Variants in NEK5 observed in about 807,000 individuals in gnomAD.
NEK5 encodes the protein serine/threonine-protein kinase Nek5.
In NEK5, 88 loss-of-function variants were observed where a neutral mutation model predicts 109.2. The ratio of observed to expected loss-of-function variants is 0.81; its 90% CI spans 0.68 to 0.96. The LOEUF (loss-of-function observed/expected upper bound fraction) is 0.96, where lower values mean the gene tolerates loss of function less well. NEK5 is among the 40% of genes least tolerant of loss of function. The probability of loss-of-function intolerance (pLI) is 0.00; values close to 1 mark genes in which losing one functional copy is unlikely to be tolerated. For missense variants in NEK5, 834 were observed against 920.7 expected, an observed-to-expected ratio of 0.91 and a Z score of 1.22; for synonymous variants, 283 against 299.9, an observed-to-expected ratio of 0.94 and a Z score of 0.58.
At chr13:52,072,954 G>T (rs1393398560) in intron 19 of NEK5, among the ~76,000 whole-genome samples, 1 of 152,160 alleles carries the variant, frequency 6.6e-6, no homozygotes, top group Admixed American at 6.5e-5. Context: ...CTAATAAAAT[G>T]AAATTTGGAT....
chr13:52,065,161 GC>G (rs111702532), intron 21 of NEK5: 17 of 393,724 alleles, frequency 4.3e-5, no homozygotes, highest in Admixed American at 1.6e-4. Flanking sequence ...CTATGAAATC[GC>G]AAAAAAAGTT....
At position 52,051,458 on chromosome 13, in the gene NEK5, T is replaced by C. The variant is rs560178605; in HGVS notation, c.2111-1237A>G. Reference sequence around the variant, plus strand: ...TCCTTAGGTTGGTCTGTTTTCCTAGTGGAGTACAAAGAGTCATGGGCAGGT... The same window carrying C: ...TCCTTAGGTTGGTCTGTTTTCCTAGCGGAGTACAAAGAGTCATGGGCAGGT... On this transcript the variant is annotated intron_variant, in intron 22 of 23. Transcript: ENST00000684899. 3.7e-4 allele frequency among the ~76,000 whole-genome samples: 56 copies of C among 152,282 alleles called. 1 individual carries two copies. The South Asian group carries it at 0.011, about 31-fold the overall frequency.
At chr13:52,037,535 C>G (rs1384111575) in intron 23 of NEK5, among the ~76,000 whole-genome samples, 4 of 151,980 alleles carry the variant, frequency 2.6e-5, no homozygotes, top group African/African-American at 9.7e-5. Flanking sequence ...CATCAATATC[C>G]TAGGGTACTT....
In NEK5 at chr13:52,099,798, G is replaced by A. The variant is rs1224420110; in HGVS notation, c.971C>T (p.Ala324Val). 7 of 1,613,506 alleles carry A rather than the reference G, an allele frequency of 4.3e-6. No individual in the cohort carries two copies. Among genetic ancestry groups the A allele is most frequent in the Non-Finnish European group, 5.9e-6 (7 of 1,179,546 alleles). Residue 324 changes from alanine to valine, a missense_variant, in exon 12 of 24, where the codon GCT becomes GTT. Ala to Val is a moderately conservative substitution (Grantham distance 64). Coordinates refer to ENST00000684899, the MANE Select transcript of NEK5 (RefSeq NM_001365552.1). ...SRISVPIKRNAILHRNEWRPP... is the reference protein window; with the variant it reads ...SRISVPIKRNVILHRNEWRPP... The stretch of plus-strand genomic sequence containing the variant: ...TCTCCATTCATTTCTATGCAATATA[G>A]CATTCCTTTTAATTGGCACAGATAT...
chr13:52,040,419 C>G lies in NEK5; in HGVS notation c.2229-3201G>C, dbSNP rs1278748454. 2.0e-5 allele frequency among the ~76,000 whole-genome samples: 3 copies of G among 151,980 alleles called. No homozygotes were observed. In the East Asian group the frequency reaches 5.8e-4, roughly 29 times the overall value. On this transcript the variant is annotated intron_variant, in intron 23 of 23. Transcript: ENST00000684899. ...ACCTTGATCTTGGACTTCCTAGCCT[C>G]TAGAACTAGAAGAAGTATATTTCTG...
chr13:52,055,983 A>G lies in NEK5; in HGVS notation c.2111-5762T>C, dbSNP rs1954551127. 3.9e-5 allele frequency among the ~76,000 whole-genome samples: 6 copies of G among 152,078 alleles called. No homozygotes were observed. In the South Asian group the frequency reaches 1.2e-3, roughly 32 times the overall value. ...AAATGTAAATGGACTAAATGCTCCAATTAAAAGACACAGACTGGCAAATTG... is the reference window on the plus strand; with the variant it reads ...AAATGTAAATGGACTAAATGCTCCAGTTAAAAGACACAGACTGGCAAATTG... On this transcript the variant is annotated intron_variant, in intron 22 of 23. Coordinates refer to ENST00000684899, the MANE Select transcript of NEK5 (RefSeq NM_001365552.1).
intron 1 of NEK5, among the ~76,000 whole-genome samples, chr13:52,128,673 T>C (rs1422429131): frequency 6.6e-6 from 1 of 152,072 alleles, no homozygotes; most frequent in East Asian, 1.9e-4. Context: ...GCATACGGAC[T>C]TGGGGCCGGG....
At chr13:52,099,927 TTAATACTGA>T in intron 11 of NEK5, 51 bp from the exon 12 acceptor site, 3 of 1,338,494 alleles carry the variant, frequency 2.2e-6, no homozygotes, top group Non-Finnish European at 3.2e-6. Flanking sequence ...TTGTACACCA[TTAATACTGA>T]TACTTGTAAG....
In NEK5 at chr13:52,047,288, T is replaced by C. The variant is rs561108234; in HGVS notation, c.2228+2816A>G. 4.6e-5 allele frequency among the ~76,000 whole-genome samples: 7 copies of C among 152,214 alleles called. No homozygotes were observed. The East Asian group carries it at 1.2e-3, about 25-fold the overall frequency. Reference sequence around the variant, plus strand: ...CAATAATATGTATTCAACATAATACTGTTAAATAAAAAAAAAGCAAATTAT... The same window carrying C: ...CAATAATATGTATTCAACATAATACCGTTAAATAAAAAAAAAGCAAATTAT... On this transcript the variant is annotated intron_variant, in intron 23 of 23. Transcript: ENST00000684899.
Position 52,122,348 on chromosome 13 carries a change from G to A in NEK5, c.118-2933C>T, listed in dbSNP as rs191382807. On this transcript the variant is annotated intron_variant, in intron 3 of 23. Transcript: ENST00000684899. ...GTGACATATAATGGACACCCTGCAGGTGGTCCCTTTATCATTAGTGTGAAC... is the reference window on the plus strand; with the variant it reads ...GTGACATATAATGGACACCCTGCAGATGGTCCCTTTATCATTAGTGTGAAC... 3.0e-3 allele frequency among the ~76,000 whole-genome samples: 455 copies of A among 152,092 alleles called. 3 individuals carry two copies. Among genetic ancestry groups the A allele is most frequent in the Admixed American group, 8.5e-3 (130 of 15,280 alleles).
intron 12 of NEK5, among the ~76,000 whole-genome samples, chr13:52,094,485 T>G (rs1416347495): frequency 6.6e-6 from 1 of 152,234 alleles, no homozygotes; most frequent in African/African-American, 2.4e-5. Context: ...TTGGACCATA[T>G]GAAATTGCAC....
chr13:52,108,320 T>A lies in NEK5; in HGVS notation c.552A>T (p.Lys184Asn). 1 of 1,596,474 alleles carries A rather than the reference T, an allele frequency of 6.3e-7. No individual in the cohort carries two copies. The highest frequency in any genetic ancestry group is 1.7e-5 in the Admixed American group (1 of 59,396). ...CAAACTAAGAGTCAGCAACTTACGT[T>A]TTATTGTTGTAGGGTTTATTCTGAC... ...EICQNKPYNN[K>N]TDIWSLGCVL... Residue 184 changes from lysine (K) to asparagine (N), a missense_variant and splice_region_variant, in exon 8 of 24, where the codon AAA becomes AAT. By Grantham distance (94) the Lys-to-Asn change is moderately conservative. This residue lies in a region of NEK5 where 777 missense variants were observed against 824.7 expected (regional missense o/e 0.94). Coordinates refer to ENST00000684899, the MANE Select transcript of NEK5 (RefSeq NM_001365552.1).
chr13:52,087,243 G>A, intron 15 of NEK5, 95 bp downstream of exon 15: 1 of 652,176 alleles, frequency 1.5e-6, no homozygotes, highest in East Asian at 2.6e-5. Context: ...ATATTCAGGG[G>A]CACTGTAGGA....
At chr13:52,050,712 G>GT (rs1226042037) in intron 22 of NEK5, among the ~76,000 whole-genome samples, 15 of 119,394 alleles carry the variant, frequency 1.3e-4, no homozygotes, top group Admixed American at 6.8e-4. Context: ...TATTTCATTT[G>GT]TTTTTTTCTT....
intron 8 of NEK5, among the ~76,000 whole-genome samples, chr13:52,106,736 C>T (rs1955663465): frequency 6.6e-6 from 1 of 150,920 alleles, no homozygotes; most frequent in Admixed American, 6.6e-5. Context: ...CACTGCACTC[C>T]AGCCTGGATG....
chr13:52,094,862 T>A (rs567414504), intron 12 of NEK5, among the ~76,000 whole-genome samples: 20 of 152,338 alleles, frequency 1.3e-4, no homozygotes, highest in African/African-American at 4.6e-4. Flanking sequence ...AGTAAATGTA[T>A]AAAATTTAGT....
intron 4 of NEK5, among the ~76,000 whole-genome samples, chr13:52,118,113 G>A (rs2138106365): frequency 6.6e-6 from 1 of 152,322 alleles, no homozygotes; most frequent in East Asian, 1.9e-4. Context: ...CTTGAATGTA[G>A]CGGTTTTAAT....
chr13:52,035,927 A>AT lies in NEK5; in HGVS notation c.*1020dup, dbSNP rs1454248794. ...TTTGTAAAACGGCAGATTATGTTAA[A>AT]TGAGTGAACCTGTATATTGTATTTG... On this transcript the variant is annotated 3_prime_UTR_variant, in exon 24 of 24. Transcript: ENST00000684899. 6.6e-6 allele frequency: 1 copy of AT among 151,522 alleles called. No homozygotes were observed. The highest frequency in any genetic ancestry group is 1.5e-5 in the Non-Finnish European group (1 of 67,938). 9.4% of individuals were successfully genotyped at this position (151,522 alleles called of 1,614,324 possible).
intron 23 of NEK5, among the ~76,000 whole-genome samples, chr13:52,038,733 G>A (rs1345529659): frequency 6.8e-6 from 1 of 147,574 alleles, no homozygotes; most frequent in Non-Finnish European, 1.5e-5. Flanking sequence ...GCTGATGCAG[G>A]AGGATTGCTT....
Sources: allele counts gnomAD v4.1 joint callset (sites outside exome capture counted in the v4.1 genomes callset), GRCh38; gene constraint gnomAD v4.1.1; regional missense constraint gnomAD v4.1.1; transcripts MANE v1.5; gene names NCBI Gene and HGNC (gene_info 2026-07-23, HGNC 2026-07-21).